Variants in KMT5B observed in about 807,000 individuals in gnomAD.
The protein encoded by KMT5B is histone-lysine N-methyltransferase KMT5B.
KMT5B carries 10 observed loss-of-function variants against 83.2 expected under a neutral mutation model. The observed-to-expected ratio is 0.12, with a 90% confidence interval of 0.07 to 0.20. The LOEUF is 0.20. KMT5B is among the 10% of genes least tolerant of loss of function. KMT5B has a pLI of 1.00. For synonymous variants in KMT5B, 349 were observed against 388.8 expected, an observed-to-expected ratio of 0.90 and a Z score of 1.20; for missense variants, 753 against 1,067.2, an observed-to-expected ratio of 0.71 and a Z score of 4.10.
chr11:68,183,570 G>A (rs1299083812), intron 3 of KMT5B, among the ~76,000 whole-genome samples: 1 of 151,828 alleles, frequency 6.6e-6, no homozygotes, highest in Admixed American at 6.6e-5. Context: ...TGTTGGCCAG[G>A]CTGGTCTCGA....
intron 10 of KMT5B, among the ~76,000 whole-genome samples, chr11:68,164,486 C>G (rs1855134970): frequency 6.6e-6 from 1 of 152,126 alleles, no homozygotes; most frequent in South Asian, 2.1e-4. Flanking sequence ...GAGACAAACA[C>G]CAAAAGAAAT....
intron 2 of KMT5B, 44 bp downstream of exon 2, chr11:68,189,873 C>T (rs752375351): frequency 6.4e-7 from 1 of 1,559,364 alleles, no homozygotes; most frequent in Non-Finnish European, 8.7e-7. Flanking sequence ...GAATTACTAC[C>T]CCATATCACA....
chr11:68,213,181 C>G lies in KMT5B; in HGVS notation c.-120G>C, dbSNP rs1293033685. ...CCTCCTCGGGGCGCGTCCCAGGCCC[C>G]GCTGCCCGGCCGCTGCGATGCGGGG... On this transcript the variant is annotated 5_prime_UTR_variant, in exon 1 of 11. Coordinates refer to ENST00000304363, the MANE Select transcript of KMT5B (RefSeq NM_017635.5). 7.0e-6 allele frequency: 1 copy of G among 142,824 alleles called. No homozygotes were observed. The highest frequency in any genetic ancestry group is 1.6e-5 in the Non-Finnish European group (1 of 64,248). The allele number at this position is 142,824 out of a possible 1,614,324, so 8.8% of individuals were successfully genotyped here. A position where few individuals can be genotyped will look rare whatever the true frequency, so the allele number is the denominator to read the frequency against.
At chr11:68,185,239 CTTGT>C (rs1394129384) in intron 3 of KMT5B, among the ~76,000 whole-genome samples, 5 of 151,874 alleles carry the variant, frequency 3.3e-5, no homozygotes, top group African/African-American at 1.2e-4. Context: ...GAGTTTCGCT[CTTGT>C]TGCCCAGACT....
chr11:68,209,959 C>T (rs1332920586), intron 1 of KMT5B, among the ~76,000 whole-genome samples: 4 of 151,894 alleles, frequency 2.6e-5, no homozygotes, highest in African/African-American at 7.3e-5. Context: ...CTCCAACTCC[C>T]GGGTTCACAC....
chr11:68,198,445 GA>G lies in KMT5B; in HGVS notation c.-76-8294del, dbSNP rs1858992109. ...AAGGAAAGGAAAGGAAAAAAGACAA[GA>G]CAAGACAAGACAAGACAAGACAAGA... On this transcript the variant is annotated intron_variant, in intron 1 of 10. Transcript: ENST00000304363. Among the ~76,000 whole-genome samples, 18 of 13,952 alleles carry G rather than the reference GA, an allele frequency of 1.3e-3. No individual in the cohort carries two copies. In the Admixed American group the frequency reaches 0.013, roughly 10 times the overall value. The allele number at this position is 13,952 out of a possible 152,430, so 9.2% of individuals were successfully genotyped here. A position where few individuals can be genotyped will look rare whatever the true frequency, so the allele number is the denominator to read the frequency against.
intron 1 of KMT5B, among the ~76,000 whole-genome samples, chr11:68,207,593 C>G (rs1307196507): frequency 1.1e-4 from 16 of 151,942 alleles, no homozygotes; most frequent in Non-Finnish European, 5.9e-5. Flanking sequence ...GAATTCGAGA[C>G]CAGCCTGGCG....
In KMT5B at chr11:68,207,351, A is replaced by G. The variant is rs79667378; in HGVS notation, c.-77+5787T>C. Among the ~76,000 whole-genome samples the G allele has an allele frequency of 4.5e-4, 68 of 152,310 alleles. No homozygotes were observed. The East Asian group carries it at 7.1e-3, about 16-fold the overall frequency. On this transcript the variant is annotated intron_variant, in intron 1 of 10. Transcript: ENST00000304363. ...GTCAAACAGATTATTTTCACACCCT[A>G]TAAAAGAAGATACAAACATCACTGC...
intron 5 of KMT5B, among the ~76,000 whole-genome samples, chr11:68,174,402 C>CA: frequency 6.6e-6 from 1 of 152,180 alleles, no homozygotes; most frequent in East Asian, 1.9e-4. Context: ...GGTCGGTGTT[C>CA]AAAAAGTTTC....
At position 68,158,537 on chromosome 11, in the gene KMT5B, A is replaced by G; in HGVS notation, c.1809T>C (p.His603=). 6.2e-7 allele frequency: 1 copy of G among 1,614,046 alleles called. No individual in the cohort carries two copies. The highest frequency in any genetic ancestry group is 8.5e-7 in the Non-Finnish European group (1 of 1,179,966). The change falls in exon 11 of 11, where the codon CAT becomes CAC. Residue 603 remains histidine (H), a synonymous_variant. Transcript: ENST00000304363. ...TTTTGGACATGCCTGTGTCACTCTT[A>G]TGACACTTTGCCTCCCCTTTTTGTG... ...ETAQKGEAKC[H]KSDTGMSKKK... is the part of the protein sequence containing the mutation.
At chr11:68,194,254 C>T (rs1202467745) in intron 1 of KMT5B, among the ~76,000 whole-genome samples, 3 of 149,684 alleles carry the variant, frequency 2.0e-5, no homozygotes, top group Non-Finnish European at 3.0e-5. Context: ...GCAGTGTCCA[C>T]GATCTTGGCT....
At chr11:68,172,246 T>C (rs1855905370) in intron 6 of KMT5B, among the ~76,000 whole-genome samples, 1 of 152,182 alleles carries the variant, frequency 6.6e-6, no homozygotes, top group South Asian at 2.1e-4. Flanking sequence ...TATTTTATTT[T>C]ATTTGAGACG....
chr11:68,176,122 C>G (rs1178473002), intron 4 of KMT5B, among the ~76,000 whole-genome samples: 1 of 152,128 alleles, frequency 6.6e-6, no homozygotes, highest in Non-Finnish European at 1.5e-5. Context: ...CCAGGCTGGT[C>G]TTGAACTCCT....
At chr11:68,161,832 C>T (rs987301978) in intron 10 of KMT5B, among the ~76,000 whole-genome samples, 3 of 152,288 alleles carry the variant, frequency 2.0e-5, no homozygotes, top group South Asian at 2.1e-4. Context: ...CATTCTCGCA[C>T]GGCTATTACC....
intron 1 of KMT5B, among the ~76,000 whole-genome samples, chr11:68,204,089 C>T (rs974808692): frequency 2.6e-5 from 4 of 152,162 alleles, no homozygotes; most frequent in Non-Finnish European, 5.9e-5. Context: ...AGAATAGCGT[C>T]TGAAGCTGAG....
chr11:68,178,613 G>A (rs1248486779), intron 4 of KMT5B, among the ~76,000 whole-genome samples: 1 of 152,154 alleles, frequency 6.6e-6, no homozygotes, highest in Non-Finnish European at 1.5e-5. Flanking sequence ...AAGGAAAAGG[G>A]GGAAGAAAAT....
chr11:68,201,079 G>A (rs1329219517), intron 1 of KMT5B, among the ~76,000 whole-genome samples: 1 of 152,154 alleles, frequency 6.6e-6, no homozygotes, highest in Admixed American at 6.5e-5. Context: ...AATAAGAAAT[G>A]TATTTAAAGG....
chr11:68,160,695 A>G (rs1854780856), intron 10 of KMT5B, among the ~76,000 whole-genome samples: 2 of 152,196 alleles, frequency 1.3e-5, no homozygotes, highest in African/African-American at 4.8e-5. Context: ...ACATTCCAAA[A>G]ATATCAAACC....
intron 3 of KMT5B, among the ~76,000 whole-genome samples, chr11:68,184,443 T>C (rs769168240): frequency 6.6e-6 from 1 of 152,200 alleles, no homozygotes; most frequent in Non-Finnish European, 1.5e-5. Flanking sequence ...CTTTTGGATT[T>C]AGACTGTAAT....
Sources: gnomAD v4.1 joint callset for allele counts (sites outside exome capture counted in the v4.1 genomes callset) on GRCh38, gnomAD v4.1.1 for gene constraint, MANE v1.5 for transcripts, NCBI Gene and HGNC (gene_info 2026-07-23, HGNC 2026-07-21) for gene names.